Variants in FHOD3 observed in about 807,000 individuals in gnomAD.
FHOD3 encodes the protein FH1/FH2 domain-containing protein 3.
Under a neutral mutation model 173.0 loss-of-function variants are expected in FHOD3, and 90 were observed. That is an observed-to-expected ratio of 0.52 (90% CI 0.44 to 0.62). The LOEUF (loss-of-function observed/expected upper bound fraction) is 0.62. Ranked by LOEUF, FHOD3 falls within the 20% of genes least tolerant of loss-of-function variation. FHOD3 has a pLI of 0.00. For missense variants in FHOD3, 1,945 were observed against 2,034.7 expected (o/e 0.96, Z 0.85); for synonymous variants, 828 against 823.0 (o/e 1.01, Z -0.10).
chr18:36,653,437 T>A, intron 13 of FHOD3, 21 bp downstream of exon 13: 1 of 1,486,794 alleles, frequency 6.7e-7, no homozygotes, highest in Non-Finnish European at 9.0e-7. Flanking sequence ...TTATTTTCTT[T>A]CCCTTTTCTG....
intron 3 of FHOD3, among the ~76,000 whole-genome samples, chr18:36,453,019 G>T (rs906195358): frequency 6.6e-6 from 1 of 151,852 alleles, no homozygotes; most frequent in African/African-American, 2.4e-5. Context: ...TCTCTTTGAG[G>T]TCCAGCTTTG....
chr18:36,747,540 G>A (rs1209507133), intron 24 of FHOD3, among the ~76,000 whole-genome samples: 2 of 152,198 alleles, frequency 1.3e-5, no homozygotes, highest in Non-Finnish European at 2.9e-5. Context: ...GCCTTCGGAG[G>A]ACCTTCCAGT....
Position 36,649,390 on chromosome 18 carries a change from G to C in FHOD3, c.1271G>C (p.Cys424Ser). Residue 424 changes from cysteine (C) to serine (S), a missense_variant, in exon 11 of 29, where the codon TGT (cysteine) becomes TCT (serine). Physicochemically the swap from Cys to Ser is moderately radical, Grantham distance 112 (BLOSUM62 -1). Coordinates refer to ENST00000590592, the MANE Select transcript of FHOD3 (RefSeq NM_001281740.3). The part of the protein sequence containing the change: ...SEEEREDDAS[C>S]QGKDSKVGAA... ...GAAGAGAGAGAGGATGATGCTTCCTGTCAGGGCAAGGACAGGTACCTAGGA... is the reference window on the plus strand; with the variant it reads ...GAAGAGAGAGAGGATGATGCTTCCTCTCAGGGCAAGGACAGGTACCTAGGA... 1.3e-6 allele frequency: 2 copies of C among 1,535,616 alleles called. No homozygotes were observed. The highest frequency in any genetic ancestry group is 1.7e-6 in the Non-Finnish European group (2 of 1,146,664).
intron 19 of FHOD3, among the ~76,000 whole-genome samples, chr18:36,726,954 T>C (rs2041108105): frequency 6.6e-6 from 1 of 152,196 alleles, no homozygotes; most frequent in Admixed American, 6.5e-5. Flanking sequence ...ATTACAGGCT[T>C]GAGCCACTGT....
chr18:36,668,441 C>T (rs1458742984), intron 14 of FHOD3, among the ~76,000 whole-genome samples: 1 of 151,776 alleles, frequency 6.6e-6, no homozygotes, highest in African/African-American at 2.4e-5. Context: ...AGAGATTTAT[C>T]AATTTTTTTT....
chr18:36,623,195 A>G (rs144491734), intron 9 of FHOD3, among the ~76,000 whole-genome samples: 53 of 152,360 alleles, frequency 3.5e-4, no homozygotes, highest in African/African-American at 1.2e-3. Flanking sequence ...AGTGGATTTC[A>G]CTTCATGCAC....
At chr18:36,703,205 G>A (rs770835855) in intron 17 of FHOD3, among the ~76,000 whole-genome samples, 4 of 152,226 alleles carry the variant, frequency 2.6e-5, no homozygotes, top group Non-Finnish European at 4.4e-5. Flanking sequence ...CCAAGGGACA[G>A]AAACAGTGGC....
At chr18:36,534,693 T>C (rs1367357651) in intron 5 of FHOD3, among the ~76,000 whole-genome samples, 1 of 152,116 alleles carries the variant, frequency 6.6e-6, no homozygotes, top group Non-Finnish European at 1.5e-5. Flanking sequence ...TTATTATTGT[T>C]GATCAGTACA....
chr18:36,464,922 C>G (rs1275511646), intron 3 of FHOD3, among the ~76,000 whole-genome samples: 3 of 152,134 alleles, frequency 2.0e-5, no homozygotes, highest in Non-Finnish European at 4.4e-5. Context: ...GTCCGACTAT[C>G]TTTTTCTGTG....
At chr18:36,745,292 G>A (rs189328858) in intron 23 of FHOD3, among the ~76,000 whole-genome samples, 5 of 152,320 alleles carry the variant, frequency 3.3e-5, no homozygotes, top group South Asian at 2.1e-4. Context: ...ATGAGAAAGC[G>A]AAGCCTTTCC....
At chr18:36,584,840 A>C (rs2058973134) in intron 6 of FHOD3, among the ~76,000 whole-genome samples, 1 of 151,364 alleles carries the variant, frequency 6.6e-6, no homozygotes, top group Non-Finnish European at 1.5e-5. Flanking sequence ...ACTTTTTAAA[A>C]CATTTACTGA....
At chr18:36,311,706 G>A (rs996949831) in intron 1 of FHOD3, among the ~76,000 whole-genome samples, 4 of 152,016 alleles carry the variant, frequency 2.6e-5, no homozygotes, top group Non-Finnish European at 4.4e-5. Context: ...CACTCCCAAC[G>A]TGGATCCTCA....
intron 20 of FHOD3, among the ~76,000 whole-genome samples, chr18:36,733,792 CCA>C (rs2041492764): frequency 6.6e-6 from 1 of 152,158 alleles, no homozygotes; most frequent in South Asian, 2.1e-4. Context: ...TAGGCGCCTG[CCA>C]CAGATTCTCC....
chr18:36,410,106 T>G (rs1328686034), intron 3 of FHOD3, among the ~76,000 whole-genome samples: 1 of 152,132 alleles, frequency 6.6e-6, no homozygotes, highest in Non-Finnish European at 1.5e-5. Flanking sequence ...CACTACAATT[T>G]TAGGACATTT....
In FHOD3 at chr18:36,602,684, T is replaced by G. The variant is rs2031550060; in HGVS notation, c.729T>G (p.Pro243=). 1 of 1,613,972 alleles carries G rather than the reference T, an allele frequency of 6.2e-7. No homozygotes were observed. The highest frequency in any genetic ancestry group is 8.5e-7 in the Non-Finnish European group (1 of 1,179,818). The change falls in exon 8 of 29, where the codon CCT becomes CCG. Residue 243 remains proline, a synonymous_variant. Transcript: ENST00000590592. ...TTGCTTTACTCATAGGGGTCAAACC[T>G]TGGTCAAATATCATGGAAATCCTGG... ...TAVDTKRGVK[P]WSNIMEILEE...
intron 6 of FHOD3, among the ~76,000 whole-genome samples, chr18:36,593,747 A>G (rs187301939): frequency 1.3e-5 from 2 of 152,210 alleles, no homozygotes; most frequent in East Asian, 3.9e-4. Flanking sequence ...CAGTCAACAA[A>G]CACCTTCCAG....
intron 28 of FHOD3, among the ~76,000 whole-genome samples, chr18:36,777,163 AGCTAGTGCAGC>A (rs1299196289): frequency 6.6e-6 from 1 of 150,612 alleles, no homozygotes; most frequent in Admixed American, 6.6e-5. Flanking sequence ...TAAGATGCCC[AGCTAGTGCAGC>A]ATGAACTACT....
intron 3 of FHOD3, among the ~76,000 whole-genome samples, chr18:36,390,227 G>A (rs1367241802): frequency 1.3e-5 from 2 of 152,160 alleles, no homozygotes; most frequent in African/African-American, 4.8e-5. Context: ...ATAGGGGGAC[G>A]TGTCCACTGG....
chr18:36,717,981 A>G lies in FHOD3; in HGVS notation c.2683A>G (p.Thr895Ala), dbSNP rs1346784828. Residue 895 changes from threonine to alanine, a missense_variant, in exon 19 of 29, where the codon ACC becomes GCC. Thr to Ala is a moderately conservative substitution (Grantham distance 58, BLOSUM62 0). Around this residue, in one of 5 missense-constraint regions of FHOD3, gnomAD observed 1,099 missense variants for 1,051.2 expected, o/e 1.05. Coordinates refer to ENST00000590592, the MANE Select transcript of FHOD3 (RefSeq NM_001281740.3). ...GAAGGGGGATGGGGAGGCTGGGAGG[A>G]CCCAGCAGGAGGCAGAGGCGGTAGC... ...EEKGDGEAGR[T>A]QQEAEAVASL... The G allele has an allele frequency of 6.2e-7, 1 of 1,613,424 alleles. No individual in the cohort carries two copies. The highest frequency in any genetic ancestry group is 1.3e-5 in the African/African-American group (1 of 74,878).
Sources: allele counts gnomAD v4.1 joint callset (sites outside exome capture counted in the v4.1 genomes callset), GRCh38; gene constraint gnomAD v4.1.1; regional missense constraint gnomAD v4.1.1; transcripts MANE v1.5; gene names NCBI Gene and HGNC (gene_info 2026-07-23, HGNC 2026-07-21).